PRKAR2B: variants seen among roughly 807,000 people sequenced by gnomAD.
PRKAR2B encodes cAMP-dependent protein kinase type II-beta regulatory subunit.
A neutral mutation model predicts 49.9 loss-of-function variants in PRKAR2B; 14 were observed. The observed-to-expected ratio is 0.28, with a 90% CI of 0.19 to 0.44. PRKAR2B has a LOEUF of 0.44. Among genes scored for constraint, PRKAR2B ranks in the 20% least tolerant of loss-of-function variants. The probability of loss-of-function intolerance (pLI) is 1.00; values close to 1 mark genes in which losing one functional copy is unlikely to be tolerated. For synonymous variants in PRKAR2B, 196 were observed against 197.7 expected (o/e 0.99, Z 0.07); for missense variants, 393 against 537.9 (o/e 0.73, Z 2.67).
chr7:107,134,029 T>TTG (rs1795651362), intron 4 of PRKAR2B, among the ~76,000 whole-genome samples: 1 of 152,194 alleles, frequency 6.6e-6, no homozygotes, highest in African/African-American at 2.4e-5. Flanking sequence ...CCTGTTTTTT[T>TTG]TTGTTGTTGT....
chr7:107,054,009 C>T (rs1451115719), intron 1 of PRKAR2B, among the ~76,000 whole-genome samples: 1 of 152,076 alleles, frequency 6.6e-6, no homozygotes, highest in Non-Finnish European at 1.5e-5. Flanking sequence ...TGTAAAAATA[C>T]ATGAAAGAAA....
chr7:107,052,578 C>G (rs947207021), intron 1 of PRKAR2B, among the ~76,000 whole-genome samples: 1 of 152,214 alleles, frequency 6.6e-6, no homozygotes, highest in African/African-American at 2.4e-5. Context: ...TTGGTGGAAT[C>G]AAGGTTTGAA....
chr7:107,072,802 TATG>T (rs1343597772), intron 2 of PRKAR2B, among the ~76,000 whole-genome samples: 4 of 152,196 alleles, frequency 2.6e-5, no homozygotes, highest in Non-Finnish European at 5.9e-5. Flanking sequence ...AAAGATTTCT[TATG>T]ATACCTTTTC....
intron 4 of PRKAR2B, among the ~76,000 whole-genome samples, chr7:107,138,240 TTGAA>T (rs1480742754): frequency 6.6e-6 from 1 of 152,174 alleles, no homozygotes; most frequent in Non-Finnish European, 1.5e-5. Context: ...ACTATGGACT[TTGAA>T]TGATAATAAT....
intron 1 of PRKAR2B, chr7:107,070,068 T>A (rs887238506): frequency 2.5e-6 from 1 of 398,106 alleles, no homozygotes; most frequent in African/African-American, 2.1e-5. Flanking sequence ...TTTAAAGTGC[T>A]AATTTAATAG....
intron 2 of PRKAR2B, chr7:107,082,100 A>T (rs956993236): frequency 6.6e-6 from 1 of 152,242 alleles, no homozygotes; most frequent in East Asian, 1.9e-4. Flanking sequence ...TGCAGGAGAA[A>T]TGGAAAACAG....
rs977554398 is a variant in PRKAR2B, at chr7:107,157,066, C to T, written c.984+17C>T. 6.2e-7 allele frequency: 1 copy of T among 1,608,556 alleles called. No homozygotes were observed. Among genetic ancestry groups the T allele is most frequent in the African/African-American group, 1.3e-5 (1 of 74,766 alleles). On this transcript the variant is annotated intron_variant, in intron 9 of 10. Transcript: ENST00000265717. ...AAAAGAAAGGTAAGCATTCTAAGTC[C>T]TCAGAACCCACATACTGTTAGCAAG...
rs1292212665 is a variant in PRKAR2B, at chr7:107,156,961, G to A, written c.919-23G>A. On this transcript the variant is annotated intron_variant, in intron 8 of 10. Transcript: ENST00000265717. The stretch of plus-strand genomic sequence containing the variant: ...CAATTAATTTGCATTTTCACCGTCT[G>A]TTTTTGTTATTGATTCCAATAGGGA... 2.5e-6 allele frequency: 4 copies of A among 1,587,984 alleles called. No individual in the cohort carries two copies. The South Asian group carries it at 3.3e-5, about 13-fold the overall frequency.
chr7:107,076,135 C>T (rs937010985), intron 2 of PRKAR2B, among the ~76,000 whole-genome samples: 4 of 152,098 alleles, frequency 2.6e-5, no homozygotes, highest in African/African-American at 9.7e-5. Flanking sequence ...CATGCTCTCT[C>T]CTCTCCATCT....
At chr7:107,127,166 A>G (rs1795511203) in intron 3 of PRKAR2B, among the ~76,000 whole-genome samples, 1 of 152,202 alleles carries the variant, frequency 6.6e-6, no homozygotes, top group Admixed American at 6.5e-5. Flanking sequence ...TATAAACTCC[A>G]CTGCTGCCTG....
At chr7:107,136,280 G>A (rs531223666) in intron 4 of PRKAR2B, among the ~76,000 whole-genome samples, 1 of 152,282 alleles carries the variant, frequency 6.6e-6, no homozygotes, top group African/African-American at 2.4e-5. Flanking sequence ...TAACTTTTTA[G>A]ATGTAACACC....
chr7:107,099,346 G>A (rs570034504), intron 2 of PRKAR2B, among the ~76,000 whole-genome samples: 20 of 152,290 alleles, frequency 1.3e-4, no homozygotes, highest in South Asian at 6.2e-4. Flanking sequence ...CTGGTGTGCC[G>A]TTTGCTAAGA....
At chr7:107,076,701 A>G (rs1044408673) in intron 2 of PRKAR2B, among the ~76,000 whole-genome samples, 14 of 152,186 alleles carry the variant, frequency 9.2e-5, no homozygotes, top group Non-Finnish European at 1.6e-4. Context: ...ATTTTTTGCC[A>G]TAGTATGAAC....
chr7:107,144,140 A>C (rs982445201), intron 5 of PRKAR2B, among the ~76,000 whole-genome samples: 2 of 151,624 alleles, frequency 1.3e-5, no homozygotes, highest in African/African-American at 4.9e-5. Context: ...GCTGGAGTGC[A>C]GTGGCGCAAT....
intron 5 of PRKAR2B, among the ~76,000 whole-genome samples, chr7:107,145,044 G>C (rs1404722423): frequency 6.6e-6 from 1 of 152,020 alleles, no homozygotes; most frequent in Non-Finnish European, 1.5e-5. Context: ...CCTAGAAAAA[G>C]AACCCCAGTT....
At chr7:107,127,540 C>T (rs1795520120) in intron 3 of PRKAR2B, among the ~76,000 whole-genome samples, 1 of 152,228 alleles carries the variant, frequency 6.6e-6, no homozygotes, top group Admixed American at 6.5e-5. Flanking sequence ...CACTAGTTTC[C>T]TTGAGTTCCT....
At chr7:107,060,000 A>G (rs1215099710) in intron 1 of PRKAR2B, among the ~76,000 whole-genome samples, 1 of 152,208 alleles carries the variant, frequency 6.6e-6, no homozygotes, top group Non-Finnish European at 1.5e-5. Context: ...CCAGATTTGC[A>G]AAAATGTAAA....
intron 8 of PRKAR2B, among the ~76,000 whole-genome samples, chr7:107,153,950 T>C (rs1459458091): frequency 2.0e-5 from 3 of 152,234 alleles, no homozygotes; most frequent in African/African-American, 7.2e-5. Flanking sequence ...GTGCTCTTTA[T>C]CTGAAATGCA....
chr7:107,139,074 AT>A lies in PRKAR2B; in HGVS notation c.481-1764del, dbSNP rs1022000813. On this transcript the variant is annotated intron_variant, in intron 4 of 10. Coordinates refer to ENST00000265717, the MANE Select transcript of PRKAR2B (RefSeq NM_002736.3). ...TGATTTGCTCTTTTCCTAACATCCT[AT>A]TTTTTTTTGGTCTCATGGATATAAT... 9.3e-5 allele frequency among the ~76,000 whole-genome samples: 14 copies of A among 150,666 alleles called. No individual in the cohort carries two copies. The South Asian group carries it at 1.9e-3, about 20-fold the overall frequency.
Sources: gnomAD v4.1 joint callset for allele counts (sites outside exome capture counted in the v4.1 genomes callset) on GRCh38, gnomAD v4.1.1 for gene constraint, MANE v1.5 for transcripts, NCBI Gene and HGNC (gene_info 2026-07-23, HGNC 2026-07-21) for gene names.